NTM: variants seen among roughly 807,000 people sequenced by gnomAD.
NTM encodes neurotrimin, also known as IgLON family member 2.
In NTM, 13 loss-of-function variants were observed where a neutral mutation model predicts 42.1. That is an observed-to-expected ratio of 0.31 (90% CI 0.20 to 0.49). The LOEUF (loss-of-function observed/expected upper bound fraction) is 0.49, where lower values mean the gene tolerates loss of function less well. Among genes scored for constraint, NTM ranks in the 20% least tolerant of loss-of-function variants. The pLI is 0.99. For missense variants in NTM, 373 were observed against 452.8 expected, an observed-to-expected ratio of 0.82 and a Z score of 1.60; for synonymous variants, 187 against 179.2, an observed-to-expected ratio of 1.04 and a Z score of -0.35.
At chr11:131,783,006 A>G (rs59504181) in intron 1 of NTM, among the ~76,000 whole-genome samples, 3,384 of 152,262 alleles carry the variant, frequency 0.022, 130 homozygotes, top group African/African-American at 0.077. Context: ...GAAAATGAAT[A>G]ATATGTATAC....
chr11:131,824,323 G>A (rs1008566533), intron 1 of NTM, among the ~76,000 whole-genome samples: 1 of 152,098 alleles, frequency 6.6e-6, no homozygotes, highest in Admixed American at 6.6e-5. Context: ...ACATAATTTG[G>A]CTCCACAAAT....
intron 1 of NTM, among the ~76,000 whole-genome samples, chr11:131,652,556 A>G (rs1217987037): frequency 6.6e-6 from 1 of 152,212 alleles, no homozygotes; most frequent in African/African-American, 2.4e-5. Flanking sequence ...TTTGCTGCTC[A>G]GCACTGTTGT....
At chr11:131,501,053 G>C (rs2046757010) in intron 1 of NTM, among the ~76,000 whole-genome samples, 1 of 151,922 alleles carries the variant, frequency 6.6e-6, no homozygotes. Context: ...CTGACTTCCA[G>C]ACCTGCCTAG....
intron 2 of NTM, among the ~76,000 whole-genome samples, chr11:132,114,070 C>T (rs1300069809): frequency 6.6e-6 from 1 of 152,078 alleles, no homozygotes; most frequent in Admixed American, 6.5e-5. Context: ...TTTTCTCTTT[C>T]CCATGGATTC....
intron 1 of NTM, among the ~76,000 whole-genome samples, chr11:131,707,022 A>G (rs1086218): frequency 0.98 from 149,127 of 152,004 alleles, 73,160 homozygotes; most frequent in East Asian, 1. Flanking sequence ...TAATAACTTC[A>G]AAATATACAT....
intron 2 of NTM, among the ~76,000 whole-genome samples, chr11:131,931,515 G>C (rs1278331318): frequency 6.6e-6 from 1 of 151,194 alleles, no homozygotes; most frequent in Non-Finnish European, 1.5e-5. Context: ...ATGTGTGTGT[G>C]TTCCTTTTGA....
chr11:131,485,123 C>A (rs1199175884), intron 1 of NTM, among the ~76,000 whole-genome samples: 2 of 152,220 alleles, frequency 1.3e-5, no homozygotes, highest in African/African-American at 4.8e-5. Flanking sequence ...ATTTGAAATT[C>A]TCAGTTGGTA....
chr11:131,460,130 C>A (rs967492012), intron 1 of NTM, among the ~76,000 whole-genome samples: 1 of 152,114 alleles, frequency 6.6e-6, no homozygotes, highest in Non-Finnish European at 1.5e-5. Flanking sequence ...ACTTTATTTC[C>A]AGCATTATAA....
At chr11:131,531,034 C>A (rs1436073129) in intron 1 of NTM, among the ~76,000 whole-genome samples, 1 of 152,182 alleles carries the variant, frequency 6.6e-6, no homozygotes, top group Admixed American at 6.5e-5. Flanking sequence ...GCTTCTCTGG[C>A]CACCATTTAA....
intron 2 of NTM, among the ~76,000 whole-genome samples, chr11:131,949,028 ACT>A (rs1036135253): frequency 2.6e-5 from 4 of 152,030 alleles, no homozygotes; most frequent in African/African-American, 9.7e-5. Context: ...TTCTACGGTG[ACT>A]CTACGTGTTT....
intron 1 of NTM, among the ~76,000 whole-genome samples, chr11:131,559,369 T>C (rs947526166): frequency 5.6e-4 from 85 of 152,378 alleles, no homozygotes; most frequent in Middle Eastern, 3.4e-3. Context: ...GACAGTTCTC[T>C]GGTAAAGTGA....
intron 1 of NTM, among the ~76,000 whole-genome samples, chr11:131,473,548 A>C (rs1446560875): frequency 6.6e-6 from 1 of 152,182 alleles, no homozygotes; most frequent in African/African-American, 2.4e-5. Context: ...GCAGGCTTTC[A>C]ATAATATTAG....
intron 3 of NTM, among the ~76,000 whole-genome samples, chr11:132,210,189 C>T (rs1365800875): frequency 6.6e-6 from 1 of 152,154 alleles, no homozygotes; most frequent in Non-Finnish European, 1.5e-5. Context: ...TTTAGAATTG[C>T]ACAGCATGGT....
At chr11:131,467,975 C>A (rs974896662) in intron 1 of NTM, among the ~76,000 whole-genome samples, 1 of 152,168 alleles carries the variant, frequency 6.6e-6, no homozygotes, top group Non-Finnish European at 1.5e-5. Context: ...TCTAACACAT[C>A]GTGGGCATCC....
chr11:132,162,218 T>A (rs1183511705), intron 3 of NTM, among the ~76,000 whole-genome samples: 1 of 117,718 alleles, frequency 8.5e-6, no homozygotes, highest in Admixed American at 8.7e-5. Context: ...TGTGTATGTG[T>A]TTGTGTGTTT....
intron 2 of NTM, among the ~76,000 whole-genome samples, chr11:131,944,325 G>A (rs1156599846): frequency 6.6e-6 from 1 of 152,238 alleles, no homozygotes; most frequent in Non-Finnish European, 1.5e-5. Context: ...ATAGGAGACA[G>A]CGGCGCTGAT....
Position 131,458,641 on chromosome 11 carries a change from C to T in NTM, c.82+87753C>T, listed in dbSNP as rs1951112092. On this transcript the variant is annotated intron_variant, in intron 1 of 8. Transcript: ENST00000683400. ...TGTGTTACTCACATTTGTGTCTTAT[C>T]TCTAGCACCTAGCACAAGGCCTTCG... 5.9e-5 allele frequency among the ~76,000 whole-genome samples: 9 copies of T among 152,362 alleles called. No individual in the cohort carries two copies. In the South Asian group the frequency reaches 1.7e-3, roughly 28 times the overall value.
At chr11:131,594,420 G>A (rs1170802721) in intron 1 of NTM, among the ~76,000 whole-genome samples, 1 of 151,880 alleles carries the variant, frequency 6.6e-6, no homozygotes, top group Non-Finnish European at 1.5e-5. Context: ...TTTTAAGACA[G>A]GGTCTTGCTC....
At chr11:131,503,576 G>A (rs1421235459) in intron 1 of NTM, among the ~76,000 whole-genome samples, 3 of 151,634 alleles carry the variant, frequency 2.0e-5, no homozygotes, top group Non-Finnish European at 4.4e-5. Flanking sequence ...AGGCTGGAGT[G>A]CAGTGGCACA....
Sources: gnomAD v4.1 joint callset for allele counts (sites outside exome capture counted in the v4.1 genomes callset) on GRCh38, gnomAD v4.1.1 for gene constraint, MANE v1.5 for transcripts, NCBI Gene and HGNC (gene_info 2026-07-23, HGNC 2026-07-21) for gene names.